The following LARGE1 variants were observed in gnomAD, a reference collection of about 807,000 sequenced individuals.
The protein encoded by LARGE1 is xylosyl- and glucuronyltransferase LARGE1.
LARGE1 carries 43 observed loss-of-function variants against 87.6 expected under a neutral mutation model. The observed-to-expected ratio is 0.49, with a 90% confidence interval of 0.38 to 0.63. The LOEUF is 0.63. Ranked by LOEUF, LARGE1 falls within the 30% of genes least tolerant of loss-of-function variation. LARGE1 has a pLI of 0.00. For missense variants in LARGE1, 802 were observed against 1,000.2 expected, an observed-to-expected ratio of 0.80 and a Z score of 2.67; for synonymous variants, 434 against 394.6, an observed-to-expected ratio of 1.10 and a Z score of -1.18.
At chr22:33,169,384 G>A (rs550635900) in intron 11 of LARGE1, among the ~76,000 whole-genome samples, 3 of 152,262 alleles carry the variant, frequency 2.0e-5, no homozygotes, top group Admixed American at 2.0e-4. Context: ...TGCAACTAGA[G>A]TCAAGTCCAC....
intron 1 of LARGE1, among the ~76,000 whole-genome samples, chr22:33,843,138 C>A (rs779214563): frequency 8.5e-5 from 13 of 152,152 alleles, no homozygotes; most frequent in Non-Finnish European, 1.9e-4. Context: ...CTTGATTTTC[C>A]GTTCTATCTT....
At chr22:33,338,064 A>C (rs1601506645) in intron 9 of LARGE1, among the ~76,000 whole-genome samples, 1 of 152,100 alleles carries the variant, frequency 6.6e-6, no homozygotes, top group East Asian at 1.9e-4. Context: ...CATCTGTGAA[A>C]TGGGAATAAT....
At position 33,852,657 on chromosome 22, in the gene LARGE1, G is replaced by A. The variant is rs568902699; in HGVS notation, c.-83+67338C>T. ...AACTCAGGAGTTCGAGACCAGCCTG[G>A]GCAACACAGTGAAATCCCGTCTCTA... On this transcript the variant is annotated intron_variant, in intron 1 of 14. Transcript: ENST00000397394. Among the ~76,000 whole-genome samples, 3 of 151,842 alleles carry A rather than the reference G, an allele frequency of 2.0e-5. No individual in the cohort carries two copies. The South Asian group carries it at 6.3e-4, about 32-fold the overall frequency.
At chr22:33,240,082 T>G (rs1441804186) in intron 11 of LARGE1, among the ~76,000 whole-genome samples, 1 of 152,234 alleles carries the variant, frequency 6.6e-6, no homozygotes, top group Non-Finnish European at 1.5e-5. Context: ...AAACCTTTAT[T>G]CATAATGGTT....
chr22:33,263,464 G>A (rs1927756689), intron 11 of LARGE1, among the ~76,000 whole-genome samples: 1 of 152,224 alleles, frequency 6.6e-6, no homozygotes, highest in African/African-American at 2.4e-5. Flanking sequence ...GCAGGGAGTG[G>A]TGTGTTCTCT....
intron 5 of LARGE1, among the ~76,000 whole-genome samples, chr22:33,595,031 A>G (rs1433249354): frequency 6.6e-6 from 1 of 152,234 alleles, no homozygotes; most frequent in Non-Finnish European, 1.5e-5. Context: ...TCTCTTTAGC[A>G]GCATTTGGTT....
chr22:33,683,566 C>G (rs372319861), intron 2 of LARGE1, among the ~76,000 whole-genome samples: 5 of 150,534 alleles, frequency 3.3e-5, no homozygotes, highest in African/African-American at 1.2e-4. Flanking sequence ...GAAGGACGGA[C>G]AAACAGACAG....
chr22:33,575,262 A>C (rs1329129484), intron 5 of LARGE1, among the ~76,000 whole-genome samples: 1 of 152,204 alleles, frequency 6.6e-6, no homozygotes, highest in African/African-American at 2.4e-5. Context: ...GTCATAAGAT[A>C]GCCCCAAGCT....
intron 1 of LARGE1, among the ~76,000 whole-genome samples, chr22:33,892,284 G>T (rs2065025830): frequency 6.6e-6 from 1 of 152,112 alleles, no homozygotes; most frequent in Non-Finnish European, 1.5e-5. Flanking sequence ...CTCACTGAGG[G>T]CCCATGAATT....
intron 11 of LARGE1, among the ~76,000 whole-genome samples, chr22:33,183,784 C>G (rs137384): frequency 2.0e-5 from 3 of 151,666 alleles, no homozygotes; most frequent in African/African-American, 7.3e-5. Flanking sequence ...AAGACGGGTT[C>G]TATTTGGACG....
intron 2 of LARGE1, among the ~76,000 whole-genome samples, chr22:33,653,906 C>T (rs772210854): frequency 3.9e-5 from 6 of 152,108 alleles, no homozygotes; most frequent in Non-Finnish European, 5.9e-5. Context: ...ATGGTTAATC[C>T]GTAAGAACAT....
chr22:33,189,747 A>G (rs1923679168), intron 11 of LARGE1, among the ~76,000 whole-genome samples: 1 of 152,204 alleles, frequency 6.6e-6, no homozygotes, highest in African/African-American at 2.4e-5. Context: ...TCAGCTGGGA[A>G]GAGAGGGCAC....
intron 10 of LARGE1, among the ~76,000 whole-genome samples, chr22:33,323,172 C>G (rs1035200561): frequency 6.6e-6 from 1 of 152,076 alleles, no homozygotes; most frequent in Non-Finnish European, 1.5e-5. Flanking sequence ...AAAACAAAAA[C>G]AAAACAGGAA....
chr22:33,215,497 A>G (rs1158202316), intron 11 of LARGE1, among the ~76,000 whole-genome samples: 1 of 152,158 alleles, frequency 6.6e-6, no homozygotes, highest in African/African-American at 2.4e-5. Context: ...TAGAGAGAGA[A>G]TATTTTATCC....
intron 1 of LARGE1, among the ~76,000 whole-genome samples, chr22:33,867,535 C>T (rs900686011): frequency 2.6e-5 from 4 of 152,162 alleles, no homozygotes; most frequent in Admixed American, 6.5e-5. Flanking sequence ...CTATTATTCA[C>T]GACAAGGGGC....
At chr22:33,089,374 T>TC in the LARGE1 span, among the ~76,000 whole-genome samples, 20 of 131,458 alleles carry the variant, frequency 1.5e-4, 1 homozygote, top group African/African-American at 5.5e-4. Context: ...TTCTTCTCCT[T>TC]CTTCTTCTTC....
At chr22:33,586,346 C>CATG (rs2078672164) in intron 5 of LARGE1, among the ~76,000 whole-genome samples, 2 of 152,192 alleles carry the variant, frequency 1.3e-5, no homozygotes, top group African/African-American at 4.8e-5. Context: ...GACAATGACA[C>CATG]CCATGATAGT....
chr22:33,627,582 C>T (rs544265629), intron 3 of LARGE1, among the ~76,000 whole-genome samples: 21 of 152,272 alleles, frequency 1.4e-4, no homozygotes, highest in Admixed American at 1.1e-3. Flanking sequence ...TTATCCCAAC[C>T]AGCCATGTCA....
At chr22:33,436,624 TTATCTGACTGGTGACAGA>T (rs2067281789) in intron 6 of LARGE1, 1 of 153,542 alleles carries the variant, frequency 6.5e-6, no homozygotes, top group Non-Finnish European at 1.5e-5. Flanking sequence ...CTGGTGACAG[TTATCTGACTGGTGACAGA>T]TAACTCCTTC....
Sources: gnomAD v4.1 joint callset for allele counts (sites outside exome capture counted in the v4.1 genomes callset) on GRCh38, gnomAD v4.1.1 for gene constraint, MANE v1.5 for transcripts, NCBI Gene and HGNC (gene_info 2026-07-23, HGNC 2026-07-21) for gene names.